The following HSD17B2 variants were observed in gnomAD, a reference collection of about 807,000 sequenced individuals.
HSD17B2 encodes hydroxysteroid 17-beta dehydrogenase 2, also known as 17-beta-hydroxysteroid dehydrogenase type 2.
In HSD17B2, 32 loss-of-function variants were observed where a neutral mutation model predicts 26.9. The ratio of observed to expected loss-of-function variants is 1.19; its 90% CI spans 0.90 to 1.60. The LOEUF is 1.60. Ranked by LOEUF, HSD17B2 falls within the 40% of genes most tolerant of loss-of-function variation. The probability of loss-of-function intolerance (pLI) is 0.00; values close to 1 mark genes in which losing one functional copy is unlikely to be tolerated. For synonymous variants in HSD17B2, 246 were observed against 186.7 expected (o/e 1.32, Z -2.59); for missense variants, 613 against 468.6 (o/e 1.31, Z -2.85).
intron 3 of HSD17B2, among the ~76,000 whole-genome samples, 169 bp from the exon 4 acceptor site, chr16:82,090,733 G>T (rs1597139776): frequency 6.6e-6 from 1 of 152,306 alleles, no homozygotes; most frequent in East Asian, 1.9e-4. Flanking sequence ...GCTACACTGT[G>T]GGAATGAGCA....
intron 1 of HSD17B2, among the ~76,000 whole-genome samples, chr16:82,037,947 T>G (rs1913663821): frequency 6.6e-6 from 1 of 152,258 alleles, no homozygotes; most frequent in African/African-American, 2.4e-5. Flanking sequence ...AAATAGTTTA[T>G]AAAGGAAATA....
rs10609893 is a variant in HSD17B2, at chr16:82,036,320, TTGTGTGTGTGTG to T, written c.265+663_265+674del. Among the ~76,000 whole-genome samples the T allele has an allele frequency of 9.9e-3, 1,443 of 145,534 alleles. 12 individuals carry two copies. Among genetic ancestry groups the T allele is most frequent in the African/African-American group, 0.024 (926 of 38,892 alleles). On this transcript the variant is annotated intron_variant, in intron 1 of 4. Transcript: ENST00000199936. ...GCTGAGCTGCCAGTTTTTCCCTTGT[TTGTGTGTGTGTG>T]TGTGTGTGTGTGTGTGTGTGTGTGT...
At chr16:82,091,372 G>T in intron 4 of HSD17B2, 1 of 336,390 alleles carries the variant, frequency 3.0e-6, no homozygotes, top group Non-Finnish European at 5.6e-6. Flanking sequence ...CTGCCAGCTG[G>T]CAATTAAAGA....
rs976216783 is a variant in HSD17B2 at position 82,079,836 on chromosome 16, G to A, written c.664+8709G>A. Among the ~76,000 whole-genome samples, 9 of 152,328 alleles carry A rather than the reference G, an allele frequency of 5.9e-5. No individual in the cohort carries two copies. In the South Asian group the frequency reaches 8.3e-4, roughly 14 times the overall value. On this transcript the variant is annotated intron_variant, in intron 3 of 4. Coordinates refer to ENST00000199936, the MANE Select transcript of HSD17B2 (RefSeq NM_002153.3). Reference sequence around the variant, plus strand: ...CACAGAAATTAACATCCAATGTGATGCTGACTTGTTGATATATCTTTGGCA... The same window carrying A: ...CACAGAAATTAACATCCAATGTGATACTGACTTGTTGATATATCTTTGGCA...
At chr16:82,084,888 A>C (rs1904481528) in intron 3 of HSD17B2, among the ~76,000 whole-genome samples, 1 of 152,192 alleles carries the variant, frequency 6.6e-6, no homozygotes. Context: ...ACATGCCATC[A>C]CATCTGCTAA....
At chr16:82,068,460 C>G (rs1914624590) in intron 2 of HSD17B2, 78 bp downstream of exon 2, 1 of 1,151,006 alleles carries the variant, frequency 8.7e-7, no homozygotes, top group South Asian at 1.4e-5. Flanking sequence ...GCTGAACATG[C>G]CCCCCCACTC....
chr16:82,070,898 C>T, intron 2 of HSD17B2, 44 bp from the exon 3 acceptor site: 1 of 1,564,756 alleles, frequency 6.4e-7, no homozygotes, highest in Non-Finnish European at 8.7e-7. Context: ...GTGTTATTCA[C>T]TTCCTCTTCC....
chr16:82,048,702 T>G (rs1052616884), intron 1 of HSD17B2, among the ~76,000 whole-genome samples: 7 of 152,222 alleles, frequency 4.6e-5, no homozygotes, highest in Non-Finnish European at 5.9e-5. Context: ...CATCGCAGCT[T>G]TTGTTCTAGT....
chr16:82,068,481 ACT>A, intron 2 of HSD17B2, 99 bp downstream of exon 2: 1 of 996,434 alleles, frequency 1.0e-6, no homozygotes, highest in East Asian at 2.6e-5. Flanking sequence ...CACTCTGGGC[ACT>A]GTTTGCCCTG....
chr16:82,064,998 G>T (rs1914537266), intron 1 of HSD17B2, among the ~76,000 whole-genome samples: 1 of 152,172 alleles, frequency 6.6e-6, no homozygotes, highest in South Asian at 2.1e-4. Context: ...GAGAAAAGCT[G>T]GTTGACTCTG....
In HSD17B2 at chr16:82,035,532, C is replaced by T. The variant is rs777291087; in HGVS notation, c.108C>T (p.Ser36=). 1 of 1,614,112 alleles carries T rather than the reference C, an allele frequency of 6.2e-7. No homozygotes were observed. Among genetic ancestry groups the T allele is most frequent in the Non-Finnish European group, 8.5e-7 (1 of 1,180,036 alleles). The change falls in exon 1 of 5, where the codon AGC becomes AGT. Residue 36 remains serine (S), a synonymous_variant. Transcript: ENST00000199936. ...AGAAGAGCTCAGGGCAGCTGTGGAG[C>T]TGGATGGTCTGCCTGGCAGGCCTCT... The part of the protein sequence containing the change: ...KYKKSSGQLW[S]WMVCLAGLCA...
At chr16:82,089,084 A>G (rs1402681531) in intron 3 of HSD17B2, among the ~76,000 whole-genome samples, 1 of 152,192 alleles carries the variant, frequency 6.6e-6, no homozygotes, top group African/African-American at 2.4e-5. Context: ...ACTAGGGGTT[A>G]GGGCTTCAAA....
In HSD17B2 at chr16:82,098,288, C is replaced by T. The variant is rs749712006; in HGVS notation, c.1016C>T (p.Thr339Met). The change falls in exon 5 of 5, where the codon ACG becomes ATG. Residue 339 changes from threonine (T) to methionine (M), a missense_variant. Transcript: ENST00000199936. ...ILAKSPFAYY[T>M]PGKGAYLWIC... Reference sequence around the variant, plus strand: ...GCGAAGAGCCCTTTTGCCTATTACACGCCAGGGAAAGGCGCTTACTTGTGG... The same window carrying T: ...GCGAAGAGCCCTTTTGCCTATTACATGCCAGGGAAAGGCGCTTACTTGTGG... The T allele has an allele frequency of 1.1e-5, 18 of 1,614,084 alleles. No individual in the cohort carries two copies. The highest frequency in any genetic ancestry group is 6.7e-5 in the East Asian group (3 of 44,890).
At chr16:82,082,847 G>A (rs1175842995) in intron 3 of HSD17B2, among the ~76,000 whole-genome samples, 1 of 152,174 alleles carries the variant, frequency 6.6e-6, no homozygotes. Flanking sequence ...CCTATGTAAT[G>A]TTGCTATTCT....
At position 82,091,025 on chromosome 16, in the gene HSD17B2, G is replaced by T. The variant is rs1313929620; in HGVS notation, c.788G>T (p.Gly263Val). ...WGIKVASIQPGGFLTNIAGTS... is the reference protein window; with the variant it reads ...WGIKVASIQPVGFLTNIAGTS... ...ATTAAAGTTGCTTCCATCCAACCTG[G>T]AGGCTTCCTAACAAGTAGGTTTCTG... Residue 263 changes from glycine (G) to valine (V), a missense_variant, in exon 4 of 5, where the codon GGA becomes GTA. Coordinates refer to ENST00000199936, the MANE Select transcript of HSD17B2 (RefSeq NM_002153.3). The T allele has an allele frequency of 6.2e-7, 1 of 1,613,966 alleles. No individual in the cohort carries two copies. Among genetic ancestry groups the T allele is most frequent in the Non-Finnish European group, 8.5e-7 (1 of 1,179,892 alleles).
intron 3 of HSD17B2, among the ~76,000 whole-genome samples, chr16:82,083,468 C>A (rs1378720287): frequency 6.6e-6 from 1 of 152,134 alleles, no homozygotes; most frequent in African/African-American, 2.4e-5. Flanking sequence ...TGAGTTGCAG[C>A]CTCCTCATTA....
chr16:82,065,442 T>C lies in HSD17B2; in HGVS notation c.266-2728T>C, dbSNP rs144918596. Among the ~76,000 whole-genome samples, 563 of 152,268 alleles carry C rather than the reference T, an allele frequency of 3.7e-3. 3 individuals carry two copies. Among genetic ancestry groups the C allele is most frequent in the African/African-American group, 0.012 (499 of 41,548 alleles). On this transcript the variant is annotated intron_variant, in intron 1 of 4. Transcript: ENST00000199936. Reference sequence around the variant, plus strand: ...AAGGAACATGCTGGGCATCCTGATATCACACAAGCCTCTAGGGGGAACTGG... The same window carrying C: ...AAGGAACATGCTGGGCATCCTGATACCACACAAGCCTCTAGGGGGAACTGG...
At chr16:82,064,754 T>C (rs1002394398) in intron 1 of HSD17B2, among the ~76,000 whole-genome samples, 1 of 152,222 alleles carries the variant, frequency 6.6e-6, no homozygotes, top group African/African-American at 2.4e-5. Context: ...AAAGCTATCA[T>C]GAGCCAAGAA....
At chr16:82,056,451 A>G (rs1443698361) in intron 1 of HSD17B2, 6 of 152,228 alleles carry the variant, frequency 3.9e-5, no homozygotes. Flanking sequence ...AGGAGAATGA[A>G]CAAAAGAAGC....
Sources: allele counts gnomAD v4.1 joint callset (sites outside exome capture counted in the v4.1 genomes callset), GRCh38; gene constraint gnomAD v4.1.1; transcripts MANE v1.5; gene names NCBI Gene and HGNC (gene_info 2026-07-23, HGNC 2026-07-21).